NEXN: variants seen among roughly 807,000 people sequenced by gnomAD.
NEXN encodes nexilin F-actin binding protein.
NEXN carries 65 observed loss-of-function variants against 92.6 expected under a neutral mutation model. The observed-to-expected ratio is 0.70, with a 90% CI of 0.57 to 0.86. NEXN has a LOEUF of 0.86. Ranked by LOEUF, NEXN falls within the 40% of genes least tolerant of loss-of-function variation. NEXN has a pLI of 0.00. For missense variants in NEXN, 778 were observed against 771.1 expected (o/e 1.01, Z -0.11); for synonymous variants, 254 against 242.5 (o/e 1.05, Z -0.44).
chr1:77,921,658 C>A (rs1012227216), intron 5 of NEXN, among the ~76,000 whole-genome samples: 10 of 152,044 alleles, frequency 6.6e-5, no homozygotes. Flanking sequence ...ACCTGTAATA[C>A]CAGCACTTTG....
chr1:77,889,518 C>A (rs1199667904), intron 1 of NEXN: 2 of 152,120 alleles, frequency 1.3e-5, no homozygotes, highest in African/African-American at 4.8e-5. Context: ...CAAACCATTC[C>A]AGCTGTTTGT....
chr1:77,918,107 T>C lies in NEXN; in HGVS notation c.299-18T>C. ...GAAACATAACCAAGTATCAAACTTT[T>C]TTTTCATATATTTTTAGGAACTGTG... On this transcript the variant is annotated intron_variant, in intron 4 of 12. Coordinates refer to ENST00000334785, the MANE Select transcript of NEXN (RefSeq NM_144573.4). The C allele has an allele frequency of 6.2e-7, 1 of 1,613,678 alleles. No individual in the cohort carries two copies.
Position 77,926,473 on chromosome 1 carries a change from A to T in NEXN, c.549A>T (p.Gly183=), listed in dbSNP as rs1649851215. ...VVPVKSYKTS[G]KMKKNFEDLE... is the part of the protein sequence containing the mutation. ...CTGTCAAATCATATAAAACATCTGGAAAAATGAAAAAGAATTTTGAGGATC... is the reference window on the plus strand; with the variant it reads ...CTGTCAAATCATATAAAACATCTGGTAAAATGAAAAAGAATTTTGAGGATC... The change falls in exon 7 of 13, where the codon GGA becomes GGT. Residue 183 remains glycine (G), a synonymous_variant. Transcript: ENST00000334785. 1 of 1,609,756 alleles carries T rather than the reference A, an allele frequency of 6.2e-7. No homozygotes were observed. The highest frequency in any genetic ancestry group is 1.7e-5 in the Admixed American group (1 of 59,494).
At chr1:77,888,920 C>G (rs1171941800) in intron 1 of NEXN, 161 bp downstream of exon 1, 1 of 152,518 alleles carries the variant, frequency 6.6e-6, no homozygotes, top group Non-Finnish European at 1.5e-5. Flanking sequence ...GGGCGCCATA[C>G]AGCTGTGGTC....
intron 10 of NEXN, 93 bp downstream of exon 10, chr1:77,933,572 C>A: frequency 1.0e-6 from 1 of 976,548 alleles, no homozygotes; most frequent in Non-Finnish European, 1.6e-6. Flanking sequence ...TATTATTCAC[C>A]TTTAGGATAG....
chr1:77,927,568 G>A (rs896804558), intron 8 of NEXN, among the ~76,000 whole-genome samples: 2 of 151,712 alleles, frequency 1.3e-5, no homozygotes, highest in Non-Finnish European at 2.9e-5. Context: ...GTATGTGTGT[G>A]CATATTTGTG....
chr1:77,930,526 T>C (rs1370391761), intron 9 of NEXN, among the ~76,000 whole-genome samples: 2 of 152,246 alleles, frequency 1.3e-5, no homozygotes, highest in East Asian at 3.8e-4. Flanking sequence ...GATTGTGTTT[T>C]GTTACTGTTT....
chr1:77,925,148 A>G, intron 5 of NEXN, 40 bp from the exon 6 acceptor site: 1 of 1,370,590 alleles, frequency 7.3e-7, no homozygotes, highest in Non-Finnish European at 1.0e-6. Context: ...AAAAGTAGAA[A>G]TCTGATGTAA....
chr1:77,897,782 T>A (rs1373808248), intron 1 of NEXN, among the ~76,000 whole-genome samples: 2 of 152,176 alleles, frequency 1.3e-5, no homozygotes, highest in African/African-American at 4.8e-5. Flanking sequence ...GCCCAAAATC[T>A]CCTTAAGCTG....
At chr1:77,917,243 GAC>G (rs1649050300) in intron 2 of NEXN, among the ~76,000 whole-genome samples, 2 of 152,264 alleles carry the variant, frequency 1.3e-5, no homozygotes, top group South Asian at 2.1e-4. Context: ...GACAATAAAA[GAC>G]AGTTGTTTTT....
At chr1:77,935,750 C>G in intron 10 of NEXN, 73 bp from the exon 11 acceptor site, 1 of 1,401,440 alleles carries the variant, frequency 7.1e-7, no homozygotes, top group Non-Finnish European at 1.0e-6. Context: ...CACAGGAATT[C>G]AAGGCCAGCC....
At chr1:77,907,263 G>A (rs1190921597) in intron 1 of NEXN, among the ~76,000 whole-genome samples, 1 of 152,188 alleles carries the variant, frequency 6.6e-6, no homozygotes, top group African/African-American at 2.4e-5. Context: ...AGGTAAATGA[G>A]TTAGCAACTG....
chr1:77,900,737 C>T (rs1015465531), intron 1 of NEXN, among the ~76,000 whole-genome samples: 2 of 152,174 alleles, frequency 1.3e-5, no homozygotes, highest in Non-Finnish European at 2.9e-5. Flanking sequence ...TCTATTATGA[C>T]CAAACTCTTA....
At chr1:77,922,483 G>C (rs1401847030) in intron 5 of NEXN, among the ~76,000 whole-genome samples, 1 of 151,884 alleles carries the variant, frequency 6.6e-6, no homozygotes, top group African/African-American at 2.4e-5. Flanking sequence ...AAGATTTTTA[G>C]TATAATATAT....
intron 5 of NEXN, among the ~76,000 whole-genome samples, chr1:77,922,696 C>T (rs1356458477): frequency 6.6e-6 from 1 of 151,458 alleles, no homozygotes; most frequent in East Asian, 1.9e-4. Context: ...CTCCTGGGTT[C>T]ATGCCATTCT....
chr1:77,899,675 A>T lies in NEXN; in HGVS notation c.-53+10916A>T, dbSNP rs549882087. Among the ~76,000 whole-genome samples the T allele has an allele frequency of 5.9e-5, 9 of 152,064 alleles. No homozygotes were observed. The East Asian group carries it at 1.7e-3, about 29-fold the overall frequency. On this transcript the variant is annotated intron_variant, in intron 1 of 12. Coordinates refer to ENST00000334785, the MANE Select transcript of NEXN (RefSeq NM_144573.4). ...AATAATAATAAAATAAAAAAATAAA[A>T]AATAAAAAAACAAAAAACAAACAAA...
intron 1 of NEXN, among the ~76,000 whole-genome samples, chr1:77,914,716 G>A (rs1014913756): frequency 2.0e-5 from 3 of 151,980 alleles, no homozygotes; most frequent in Non-Finnish European, 4.4e-5. Flanking sequence ...AATTAGCTGG[G>A]TGTGGTGGTG....
Position 77,939,047 on chromosome 1 carries a change from A to G in NEXN, c.1474-2976A>G, listed in dbSNP as rs916623668. Reference sequence around the variant, plus strand: ...TGCAAGAATTCTGGGACCATGGAGGATGAACTGGAAGACAGGCATGAAGTT... The same window carrying G: ...TGCAAGAATTCTGGGACCATGGAGGGTGAACTGGAAGACAGGCATGAAGTT... On this transcript the variant is annotated intron_variant, in intron 11 of 12. Coordinates refer to ENST00000334785, the MANE Select transcript of NEXN (RefSeq NM_144573.4). 2.0e-5 allele frequency among the ~76,000 whole-genome samples: 3 copies of G among 152,332 alleles called. No individual in the cohort carries two copies. The East Asian group carries it at 5.8e-4, about 29-fold the overall frequency.
At chr1:77,905,010 T>A (rs1648002903) in intron 1 of NEXN, among the ~76,000 whole-genome samples, 1 of 152,192 alleles carries the variant, frequency 6.6e-6, no homozygotes, top group African/African-American at 2.4e-5. Context: ...ACGCCTTTAA[T>A]CCTAACACTT....
Sources: allele counts gnomAD v4.1 joint callset (sites outside exome capture counted in the v4.1 genomes callset), GRCh38; gene constraint gnomAD v4.1.1; transcripts MANE v1.5; gene names NCBI Gene and HGNC (gene_info 2026-07-23, HGNC 2026-07-21).